The following KIF27 variants were observed in gnomAD, a reference collection of about 807,000 sequenced individuals.
KIF27 encodes kinesin family member 27, also known as kinesin-like protein KIF27.
A neutral mutation model predicts 141.8 loss-of-function variants in KIF27; 84 were observed. The observed-to-expected ratio is 0.59, with a 90% CI of 0.50 to 0.71. The LOEUF (loss-of-function observed/expected upper bound fraction) is 0.71. KIF27 is among the 30% of genes least tolerant of loss of function. KIF27 has a pLI of 0.00. For synonymous variants in KIF27, 471 were observed against 569.5 expected, an observed-to-expected ratio of 0.83 and a Z score of 2.46; for missense variants, 1,306 against 1,628.4, an observed-to-expected ratio of 0.80 and a Z score of 3.41.
chr9:83,844,152 C>T (rs1946916161), intron 16 of KIF27, among the ~76,000 whole-genome samples: 2 of 152,086 alleles, frequency 1.3e-5, no homozygotes, highest in South Asian at 4.1e-4. Context: ...ATCTTTCTCC[C>T]ATGCTGGATG....
intron 13 of KIF27, among the ~76,000 whole-genome samples, chr9:83,864,215 GC>G: frequency 6.6e-6 from 1 of 152,216 alleles, no homozygotes; most frequent in African/African-American, 2.4e-5. Flanking sequence ...CCTTCTGCTA[GC>G]TTTTGAATGT....
At chr9:83,879,985 T>C (rs1173059986) in intron 11 of KIF27, 3 of 493,214 alleles carry the variant, frequency 6.1e-6, no homozygotes, top group Admixed American at 7.2e-5. Flanking sequence ...ATTCAAATGA[T>C]AGGTATTATT....
intron 11 of KIF27, among the ~76,000 whole-genome samples, chr9:83,879,424 A>G (rs1951494679): frequency 6.6e-6 from 1 of 150,578 alleles, no homozygotes; most frequent in Non-Finnish European, 1.5e-5. Context: ...AGGGACAGGG[A>G]GTATATGGCA....
In KIF27 at chr9:83,851,337, T is replaced by C. The variant is rs185687377; in HGVS notation, c.3358-1040A>G. Among the ~76,000 whole-genome samples, 7 of 152,208 alleles carry C rather than the reference T, an allele frequency of 4.6e-5. No individual in the cohort carries two copies. In the East Asian group the frequency reaches 9.7e-4, roughly 21 times the overall value. On this transcript the variant is annotated intron_variant, in intron 15 of 17. Coordinates refer to ENST00000297814, the MANE Select transcript of KIF27 (RefSeq NM_017576.4). ...ATGGATGTTATAAATAAGTGACAGT[T>C]TGGGTGTTTTGTTGTTGTTGTTGTT...
At chr9:83,892,197 C>T (rs780368144) in intron 5 of KIF27, among the ~76,000 whole-genome samples, 2 of 152,088 alleles carry the variant, frequency 1.3e-5, no homozygotes, top group Non-Finnish European at 2.9e-5. Context: ...AAGAAACAGT[C>T]ATTCATCTTA....
intron 2 of KIF27, among the ~76,000 whole-genome samples, chr9:83,910,665 G>C (rs7033292): frequency 6.6e-6 from 1 of 151,968 alleles, no homozygotes; most frequent in African/African-American, 2.4e-5. Flanking sequence ...CTCAGTTCAA[G>C]AATGAGGAAA....
Position 83,859,336 on chromosome 9 carries a change from G to C in KIF27, c.2970C>G (p.Arg990=). Residue 990 remains arginine, a synonymous_variant, in exon 14 of 18, where the codon CGC becomes CGG. Transcript: ENST00000297814. ...LNTDSLKIST[R]LNLLEQELSE... The stretch of plus-strand genomic sequence containing the variant: ...ACAACTCTTGTTCCAGTAAGTTCAG[G>C]CGAGTTGATATTTTCAAACTATCTG... The C allele has an allele frequency of 6.2e-7, 1 of 1,614,052 alleles. No homozygotes were observed. Among genetic ancestry groups the C allele is most frequent in the South Asian group, 1.1e-5 (1 of 91,078 alleles).
At chr9:83,869,236 G>A (rs1950584970) in intron 12 of KIF27, among the ~76,000 whole-genome samples, 2 of 152,134 alleles carry the variant, frequency 1.3e-5, no homozygotes, top group Admixed American at 1.3e-4. Flanking sequence ...CTAAAGTAAG[G>A]TAGAGATAAT....
chr9:83,915,939 G>A (rs1473357806), intron 1 of KIF27, among the ~76,000 whole-genome samples: 4 of 152,074 alleles, frequency 2.6e-5, no homozygotes, highest in East Asian at 3.8e-4. Flanking sequence ...GGATTCCATT[G>A]GGCCTTTATT....
At chr9:83,887,311 A>C (rs1952196481) in intron 8 of KIF27, 115 bp from the exon 9 acceptor site, 1 of 651,046 alleles carries the variant, frequency 1.5e-6, no homozygotes, top group Non-Finnish European at 2.4e-6. Flanking sequence ...TGGAAGAGAC[A>C]AAAAGGAAGG....
chr9:83,876,633 TG>T, intron 11 of KIF27, among the ~76,000 whole-genome samples: 1 of 152,258 alleles, frequency 6.6e-6, no homozygotes, highest in South Asian at 2.1e-4. Flanking sequence ...AAGAGCAAGG[TG>T]GGAGGACTTA....
chr9:83,877,421 C>A (rs1951290243), intron 11 of KIF27, among the ~76,000 whole-genome samples: 1 of 152,166 alleles, frequency 6.6e-6, no homozygotes, highest in Admixed American at 6.5e-5. Flanking sequence ...AAAGAACAGT[C>A]TCTTCAACAG....
At chr9:83,874,069 A>C (rs1951016904) in intron 11 of KIF27, among the ~76,000 whole-genome samples, 1 of 151,680 alleles carries the variant, frequency 6.6e-6, no homozygotes, top group South Asian at 2.1e-4. Flanking sequence ...AAAAGGACAC[A>C]GGAGTACTTC....
chr9:83,901,027 T>C (rs1329832414), intron 4 of KIF27, among the ~76,000 whole-genome samples: 2 of 152,168 alleles, frequency 1.3e-5, no homozygotes, highest in African/African-American at 2.4e-5. Context: ...GGTGCAATCA[T>C]AGCTCACTGC....
intron 5 of KIF27, among the ~76,000 whole-genome samples, 190 bp from the exon 6 acceptor site, chr9:83,891,691 A>G (rs1446858908): frequency 6.6e-6 from 1 of 152,170 alleles, no homozygotes; most frequent in East Asian, 1.9e-4. Flanking sequence ...AAACCTTTTT[A>G]ATAGTAAGGA....
At position 83,857,966 on chromosome 9, in the gene KIF27, GTTTT is replaced by G. The variant is rs373203891; in HGVS notation, c.3150+1186_3150+1189del. On this transcript the variant is annotated intron_variant, in intron 14 of 17. Coordinates refer to ENST00000297814, the MANE Select transcript of KIF27 (RefSeq NM_017576.4). ...TCTCAAGGGAAACATAATACTTTGG[GTTTT>G]TTTTTTTTTTTTTTGCTTCTTCTAT... Among the ~76,000 whole-genome samples the G allele has an allele frequency of 2.4e-5, 3 of 123,352 alleles. No homozygotes were observed. The East Asian group carries it at 7.2e-4, about 30-fold the overall frequency. 80.9% of individuals were successfully genotyped at this position (123,352 alleles called of 152,430 possible).
intron 13 of KIF27, among the ~76,000 whole-genome samples, chr9:83,866,323 C>G (rs1379588226): frequency 1.3e-5 from 2 of 152,064 alleles, no homozygotes; most frequent in Admixed American, 6.6e-5. Context: ...TATTAAAAAG[C>G]TGGTAAGATG....
rs746503082 is a variant in KIF27 at position 83,853,694 on chromosome 9, A to G, written c.3292T>C (p.Leu1098=). 1 of 1,613,896 alleles carries G rather than the reference A, an allele frequency of 6.2e-7. No individual in the cohort carries two copies. Among genetic ancestry groups the G allele is most frequent in the South Asian group, 1.1e-5 (1 of 91,076 alleles). The change falls in exon 15 of 18, where the codon TTG becomes CTG. Residue 1098 remains leucine, a synonymous_variant. Coordinates refer to ENST00000297814, the MANE Select transcript of KIF27 (RefSeq NM_017576.4). ...HNLSRGEANV[L]EKLACLSPVE... ...GGACTCAGGCAAGCTAGCTTTTCCA[A>G]GACATTTGCTTCACCACGAGAGAGG...
At chr9:83,913,385 C>T (rs1388556360) in intron 2 of KIF27, among the ~76,000 whole-genome samples, 1 of 152,006 alleles carries the variant, frequency 6.6e-6, no homozygotes, top group African/African-American at 2.4e-5. Flanking sequence ...AATTGGTGTC[C>T]TATAGAGACA....
Sources: gnomAD v4.1 joint callset for allele counts (sites outside exome capture counted in the v4.1 genomes callset) on GRCh38, gnomAD v4.1.1 for gene constraint, MANE v1.5 for transcripts, NCBI Gene and HGNC (gene_info 2026-07-23, HGNC 2026-07-21) for gene names.